The following TMEM272 variants were observed in gnomAD, a reference collection of about 807,000 sequenced individuals.
TMEM272 encodes the protein transmembrane protein 272.
A neutral mutation model predicts 3.7 loss-of-function variants in TMEM272; 8 were observed. That is an observed-to-expected ratio of 2.17 (90% confidence interval 1.27 to 3.91). The LOEUF is 3.91. TMEM272 is among the 30% of genes most tolerant of loss of function. The probability of loss-of-function intolerance (pLI) is 0.00; values close to 1 mark genes in which losing one functional copy is unlikely to be tolerated. For synonymous variants in TMEM272, 63 were observed against 39.8 expected (o/e 1.58, Z -2.20); for missense variants, 166 against 91.5 (o/e 1.81, Z -3.32).
At chr13:51,926,677 G>A in the TMEM272 span, among the ~76,000 whole-genome samples, 147 of 151,600 alleles carry the variant, frequency 9.7e-4, no homozygotes, top group African/African-American at 3.2e-3. Flanking sequence ...GTGCGCGCAC[G>A]CACACGCACA....
At chr13:51,910,190 T>C in the TMEM272 span, 1 of 1,139,796 alleles carries the variant, frequency 8.8e-7, no homozygotes, top group Non-Finnish European at 1.3e-6. Context: ...GACAGAGTAT[T>C]TCATGCTCCA....
chr13:51,888,639 C>CTT, the TMEM272 span, among the ~76,000 whole-genome samples: 388 of 76,768 alleles, frequency 5.1e-3, 6 homozygotes, highest in Middle Eastern at 9.4e-3. Flanking sequence ...TTTTCTTTTT[C>CTT]TTTTTTTTTT....
At chr13:51,900,118 G>A in the TMEM272 span, among the ~76,000 whole-genome samples, 2 of 151,622 alleles carry the variant, frequency 1.3e-5, no homozygotes, top group Non-Finnish European at 2.9e-5. Flanking sequence ...TGAAATCACA[G>A]GCAAAAAAAG....
At chr13:51,905,710 C>T in the TMEM272 span, among the ~76,000 whole-genome samples, 6 of 152,170 alleles carry the variant, frequency 3.9e-5, no homozygotes, top group East Asian at 3.9e-4. Flanking sequence ...AAGGGCCATG[C>T]GACACTTAAA....
chr13:51,904,850 G>T, the TMEM272 span, among the ~76,000 whole-genome samples: 6 of 152,118 alleles, frequency 3.9e-5, no homozygotes, highest in Non-Finnish European at 7.3e-5. Context: ...GTACTGATGT[G>T]GAGGCTGAAA....
At chr13:51,918,678 C>T in the TMEM272 span, among the ~76,000 whole-genome samples, 632 of 152,156 alleles carry the variant, frequency 4.2e-3, 6 homozygotes, top group African/African-American at 0.014. Context: ...CAGGCTGGAG[C>T]ACAGTGGTGC....
chr13:51,821,470 C>A (rs1252737091), intron 4 of TMEM272, among the ~76,000 whole-genome samples: 1 of 152,006 alleles, frequency 6.6e-6, no homozygotes, highest in Non-Finnish European at 1.5e-5. Flanking sequence ...AACTACATAA[C>A]CTTGAGAGTC....
chr13:51,841,895 G>C (rs571453103), intron 1 of TMEM272, among the ~76,000 whole-genome samples: 15 of 152,338 alleles, frequency 9.8e-5, no homozygotes, highest in African/African-American at 3.6e-4. Context: ...TGTTCCCTAA[G>C]AGACAGGTAG....
At chr13:51,887,022 G>A in the TMEM272 span, among the ~76,000 whole-genome samples, 1 of 152,178 alleles carries the variant, frequency 6.6e-6, no homozygotes, top group South Asian at 2.1e-4. Flanking sequence ...TTCTCCGCTT[G>A]CAAGACCCAC....
At chr13:51,908,002 AAT>A in the TMEM272 span, among the ~76,000 whole-genome samples, 1 of 152,212 alleles carries the variant, frequency 6.6e-6, no homozygotes, top group African/African-American at 2.4e-5. Flanking sequence ...ATCAAATTAA[AAT>A]AGTTAACACT....
At chr13:51,927,743 CCT>C in the TMEM272 span, among the ~76,000 whole-genome samples, 5 of 152,172 alleles carry the variant, frequency 3.3e-5, no homozygotes, top group African/African-American at 1.2e-4. Flanking sequence ...CCAGATGCTC[CCT>C]GAGAGCTTTT....
chr13:51,925,069 G>A, the TMEM272 span, among the ~76,000 whole-genome samples: 1 of 152,138 alleles, frequency 6.6e-6, no homozygotes, highest in Non-Finnish European at 1.5e-5. Flanking sequence ...AAGCCTTCCT[G>A]GCATTACTAG....
chr13:51,824,205 CT>C (rs1251494094), intron 3 of TMEM272, among the ~76,000 whole-genome samples: 2 of 152,180 alleles, frequency 1.3e-5, no homozygotes, highest in Non-Finnish European at 2.9e-5. Flanking sequence ...ATCTTTCCCC[CT>C]GTGTTCTCAT....
At chr13:51,921,953 G>A in the TMEM272 span, among the ~76,000 whole-genome samples, 2 of 152,058 alleles carry the variant, frequency 1.3e-5, no homozygotes, top group Non-Finnish European at 2.9e-5. Flanking sequence ...ATATGTGTTG[G>A]TTCAGCCTGA....
At chr13:51,915,050 C>G in the TMEM272 span, among the ~76,000 whole-genome samples, 1 of 152,148 alleles carries the variant, frequency 6.6e-6, no homozygotes, top group Non-Finnish European at 1.5e-5. Flanking sequence ...AAATACTTCA[C>G]GGCAAATTAC....
intron 2 of TMEM272, among the ~76,000 whole-genome samples, chr13:51,831,561 A>T (rs1956173464): frequency 6.6e-6 from 1 of 152,234 alleles, no homozygotes; most frequent in Admixed American, 6.5e-5. Context: ...TGTAGGATCC[A>T]CTGGGATGGA....
At position 51,816,679 on chromosome 13, in the gene TMEM272, GTC is replaced by G. The variant is rs1184556241; in HGVS notation, c.*70_*71del. 3 of 636,688 alleles carry G rather than the reference GTC, an allele frequency of 4.7e-6. No individual in the cohort carries two copies. Among genetic ancestry groups the G allele is most frequent in the Non-Finnish European group, 8.6e-6 (3 of 348,814 alleles). 39.4% of individuals were successfully genotyped at this position (636,688 alleles called of 1,614,324 possible). A position where few individuals can be genotyped will look rare whatever the true frequency, so the allele number is the denominator to read the frequency against. On this transcript the variant is annotated 3_prime_UTR_variant, in exon 5 of 5. Transcript: ENST00000629372. Reference sequence around the variant, plus strand: ...TGTGTGTGTGTGTGTGTGTGTGTGCGTCTGTGTGTCTGTGTGCACGCGCGTGC... The same window carrying G: ...TGTGTGTGTGTGTGTGTGTGTGTGCGTGTGTGTCTGTGTGCACGCGCGTGC...
the TMEM272 span, chr13:51,921,700 G>T: frequency 2.6e-5 from 4 of 152,308 alleles, no homozygotes; most frequent in Non-Finnish European, 5.9e-5. Context: ...GGACATTAAC[G>T]CAGCATAAGG....
At chr13:51,920,747 T>C in the TMEM272 span, among the ~76,000 whole-genome samples, 48 of 152,324 alleles carry the variant, frequency 3.2e-4, no homozygotes, top group African/African-American at 9.6e-4. Context: ...AATGACAGGA[T>C]TTGCCTATTA....
Sources: allele counts gnomAD v4.1 joint callset (sites outside exome capture counted in the v4.1 genomes callset), GRCh38; gene constraint gnomAD v4.1.1; transcripts MANE v1.5; gene names NCBI Gene and HGNC (gene_info 2026-07-23, HGNC 2026-07-21).